Variants in NUP210L observed in about 807,000 individuals in gnomAD.
NUP210L encodes the protein nuclear pore membrane glycoprotein 210-like.
A neutral mutation model predicts 208.5 loss-of-function variants in NUP210L; 74 were observed. The ratio of observed to expected loss-of-function variants is 0.35; its 90% CI spans 0.29 to 0.43. The LOEUF (loss-of-function observed/expected upper bound fraction) is 0.43, where lower values mean the gene tolerates loss of function less well. NUP210L is among the 20% of genes least tolerant of loss of function. The pLI is 1.00. For missense variants in NUP210L, 1,843 were observed against 2,289.4 expected (o/e 0.81, Z 3.98); for synonymous variants, 780 against 816.9 (o/e 0.95, Z 0.77).
chr1:154,099,236 C>T (rs1371420277), intron 14 of NUP210L, among the ~76,000 whole-genome samples: 1 of 152,122 alleles, frequency 6.6e-6, no homozygotes, highest in Non-Finnish European at 1.5e-5. Context: ...AGGGGTGCAT[C>T]TCCTGCCTGC....
chr1:153,995,084 A>G (rs766736375), exon 38 of NUP210L: 3 of 1,606,398 alleles, frequency 1.9e-6, no homozygotes, highest in East Asian at 4.5e-5. Context: ...ACCTAGGAAG[A>G]TGGAAGCTGT....
intron 38 of NUP210L, among the ~76,000 whole-genome samples, chr1:153,993,377 T>C (rs1458309756): frequency 6.6e-6 from 1 of 151,544 alleles, no homozygotes; most frequent in Non-Finnish European, 1.5e-5. Context: ...CCATCCTGGC[T>C]AACACAGTGA....
In NUP210L at chr1:154,104,261, TAGG is replaced by T. The variant is rs1557979042; in HGVS notation, c.1621-54_1621-52del. The stretch of plus-strand genomic sequence containing the variant: ...AGAAAGTTATGTTAAAAAAAAGTCT[TAGG>T]AGGAGGAGAAGCAAGATGGCCAAAT... On this transcript the variant is annotated intron_variant, in intron 12 of 39. Coordinates refer to ENST00000368559, the Ensembl canonical transcript of NUP210L. 4 of 1,522,684 alleles carry T rather than the reference TAGG, an allele frequency of 2.6e-6. No homozygotes were observed. The South Asian group carries it at 3.4e-5, about 13-fold the overall frequency. 94.3% of individuals were successfully genotyped at this position (1,522,684 alleles called of 1,614,324 possible).
chr1:154,151,797 A>G (rs1167629681), intron 2 of NUP210L, among the ~76,000 whole-genome samples: 1 of 152,106 alleles, frequency 6.6e-6, no homozygotes, highest in African/African-American at 2.4e-5. Context: ...CTAAAAAAAG[A>G]GAAAATGCTG....
intron 13 of NUP210L, among the ~76,000 whole-genome samples, chr1:154,102,595 G>T (rs182763034): frequency 6.6e-6 from 1 of 152,176 alleles, no homozygotes; most frequent in East Asian, 1.9e-4. Flanking sequence ...ATAGATATAA[G>T]AATTAAATAG....
At chr1:154,121,605 G>A (rs1395052322) in intron 10 of NUP210L, among the ~76,000 whole-genome samples, 2 of 152,138 alleles carry the variant, frequency 1.3e-5, no homozygotes, top group African/African-American at 4.8e-5. Context: ...GGTGGCTCAC[G>A]CCTGTAATCC....
intron 17 of NUP210L, among the ~76,000 whole-genome samples, chr1:154,063,791 C>T (rs1195767515): frequency 6.6e-6 from 1 of 151,376 alleles, no homozygotes; most frequent in Non-Finnish European, 1.5e-5. Context: ...AAATAGCAAC[C>T]AAAAAAGGAT....
intron 16 of NUP210L, among the ~76,000 whole-genome samples, chr1:154,072,409 T>C (rs946104891): frequency 7.4e-6 from 1 of 135,024 alleles, no homozygotes; most frequent in Non-Finnish European, 1.6e-5. Context: ...CTCGGCTCAC[T>C]GCAAGCTCCA....
At chr1:154,001,123 C>T in intron 36 of NUP210L, 63 bp from the exon 37 acceptor site, 1 of 1,318,036 alleles carries the variant, frequency 7.6e-7, no homozygotes, top group Non-Finnish European at 1.1e-6. Flanking sequence ...TCAGTATGTT[C>T]CAATCTGAAA....
At chr1:154,030,077 A>G in intron 27 of NUP210L, 23 bp from the exon 28 acceptor site, 1 of 1,488,310 alleles carries the variant, frequency 6.7e-7, no homozygotes, top group South Asian at 1.4e-5. Flanking sequence ...GGGATAGATT[A>G]AGAAATATTC....
intron 37 of NUP210L, among the ~76,000 whole-genome samples, chr1:153,999,996 T>C (rs1042421692): frequency 4.0e-5 from 6 of 151,710 alleles, no homozygotes; most frequent in Non-Finnish European, 7.4e-5. Flanking sequence ...AGGTAATTTT[T>C]TTTTTGTACT....
rs1654800885 is a variant in NUP210L, at chr1:154,072,499, AT to A, written c.2362-2035del. The stretch of plus-strand genomic sequence containing the variant: ...AGGCGTCTGCCACCACGACCGGCTA[AT>A]TTTTTGTAGTTTTAGTAGAGATGGG... On this transcript the variant is annotated intron_variant, in intron 16 of 39. Coordinates refer to ENST00000368559, the Ensembl canonical transcript of NUP210L. Among the ~76,000 whole-genome samples the A allele has an allele frequency of 5.3e-5, 8 of 151,604 alleles. No homozygotes were observed. In the South Asian group the frequency reaches 1.7e-3, roughly 32 times the overall value.
At chr1:154,094,257 T>C (rs1370110394) in intron 15 of NUP210L, among the ~76,000 whole-genome samples, 1 of 152,056 alleles carries the variant, frequency 6.6e-6, no homozygotes. Flanking sequence ...CACTCTAGCC[T>C]GGGCAACAGA....
intron 17 of NUP210L, among the ~76,000 whole-genome samples, chr1:154,067,352 A>T (rs1420177799): frequency 3.3e-5 from 5 of 152,216 alleles, no homozygotes; most frequent in Non-Finnish European, 5.9e-5. Context: ...CCACATGATT[A>T]TCTCAATAGT....
intron 33 of NUP210L, among the ~76,000 whole-genome samples, 189 bp from the exon 34 acceptor site, chr1:154,012,559 T>A (rs981776491): frequency 2.6e-4 from 39 of 151,960 alleles, no homozygotes; most frequent in Non-Finnish European, 2.9e-5. Flanking sequence ...TTTTTTTTTT[T>A]TTAATCAGGG....
In NUP210L at chr1:154,155,105, A is replaced by G. The variant is rs535422332; in HGVS notation, c.-61T>C. The G allele has an allele frequency of 3.2e-6, 4 of 1,249,244 alleles. No individual in the cohort carries two copies. The East Asian group carries it at 1.0e-4, about 31-fold the overall frequency. 77.4% of individuals were successfully genotyped at this position (1,249,244 alleles called of 1,614,324 possible). On this transcript the variant is annotated 5_prime_UTR_variant, in exon 1 of 40. Transcript: ENST00000368559. The stretch of plus-strand genomic sequence containing the variant: ...AGCCGGCTCACAGCTCCATCAGCCA[A>G]TCCACAGGCGTGACGTCAGCAGAGG...
At position 154,027,491 on chromosome 1, in the gene NUP210L, CTCCCTTTTCCTTACCTGTTGGTA is replaced by C. The variant is rs1331031267; in HGVS notation, c.3939_3947+14del. ...GCTTAGATCCTGGCACTTCCTTATT[CTCCCTTTTCCTTACCTGTTGGTA>C]TGGAGTTTGAGCTGAGAATTTATAG... On this transcript the variant is annotated splice_donor_variant and splice_donor_5th_base_variant and coding_sequence_variant and intron_variant, in exon 29 of 40. Transcript: ENST00000368559. LOFTEE classifies it high-confidence loss of function. 5.1e-6 allele frequency: 8 copies of C among 1,560,866 alleles called. 1 individual carries two copies. In the Middle Eastern group the frequency reaches 8.4e-4, roughly 164 times the overall value.
chr1:154,134,813 G>A (rs1050051449), intron 7 of NUP210L, among the ~76,000 whole-genome samples: 4 of 142,876 alleles, frequency 2.8e-5, no homozygotes, highest in African/African-American at 5.1e-5. Flanking sequence ...TTGGCTCACC[G>A]CAACCTCCAC....
chr1:154,102,530 T>C (rs1481668450), intron 13 of NUP210L, among the ~76,000 whole-genome samples: 2 of 152,242 alleles, frequency 1.3e-5, no homozygotes, highest in East Asian at 1.9e-4. Flanking sequence ...TATGTATGTA[T>C]GTATGTAGTA....
Sources: allele counts gnomAD v4.1 joint callset (sites outside exome capture counted in the v4.1 genomes callset), GRCh38; gene constraint gnomAD v4.1.1; transcripts MANE v1.5; gene names NCBI Gene and HGNC (gene_info 2026-07-23, HGNC 2026-07-21).